The following AGPAT3 variants were observed in gnomAD, a reference collection of about 807,000 sequenced individuals.
The protein encoded by AGPAT3 is 1-acylglycerol-3-phosphate O-acyltransferase 3.
AGPAT3 carries 5 observed loss-of-function variants against 47.3 expected under a neutral mutation model. The observed-to-expected ratio is 0.11, with a 90% CI of 0.06 to 0.22. The LOEUF is 0.22. Ranked by LOEUF, AGPAT3 falls within the 10% of genes least tolerant of loss-of-function variation. AGPAT3 has a pLI of 1.00. For missense variants in AGPAT3, 315 were observed against 493.0 expected, an observed-to-expected ratio of 0.64 and a Z score of 3.42; for synonymous variants, 212 against 208.3, an observed-to-expected ratio of 1.02 and a Z score of -0.15.
chr21:43,868,470 C>G (rs1016012703), intron 1 of AGPAT3, among the ~76,000 whole-genome samples: 4 of 152,054 alleles, frequency 2.6e-5, no homozygotes, highest in Admixed American at 6.5e-5. Context: ...AGGCCTGTCC[C>G]CAGTGACTGG....
chr21:43,923,726 AG>A (rs1195825194), intron 2 of AGPAT3, among the ~76,000 whole-genome samples: 1 of 152,244 alleles, frequency 6.6e-6, no homozygotes, highest in African/African-American at 2.4e-5. Flanking sequence ...ATGGACAGCC[AG>A]GGGGAAAGGG....
intron 2 of AGPAT3, among the ~76,000 whole-genome samples, chr21:43,917,102 C>T (rs750126503): frequency 2.0e-4 from 31 of 152,190 alleles, no homozygotes; most frequent in Non-Finnish European, 4.1e-4. Context: ...TGAGGGGGGC[C>T]CACTCTGCCC....
rs970126053 is a variant in AGPAT3, at chr21:43,939,857, C to G, written c.-48-19777C>G. Reference sequence around the variant, plus strand: ...CTCGTTGACCTGCATCCTGGCTGGCCCTGTGACTCTGCCTGTTTACAGTGA... The same window carrying G: ...CTCGTTGACCTGCATCCTGGCTGGCGCTGTGACTCTGCCTGTTTACAGTGA... On this transcript the variant is annotated intron_variant, in intron 2 of 9. Transcript: ENST00000291572. The surrounding 1 kb of genome is among the most constrained non-coding windows in gnomAD (Gnocchi z 4.4). 3.3e-5 allele frequency among the ~76,000 whole-genome samples: 5 copies of G among 152,210 alleles called. No individual in the cohort carries two copies. The highest frequency in any genetic ancestry group is 5.9e-5 in the Non-Finnish European group (4 of 68,038).
chr21:43,898,396 C>T (rs755822988), intron 1 of AGPAT3, among the ~76,000 whole-genome samples: 3 of 152,152 alleles, frequency 2.0e-5, no homozygotes, highest in Admixed American at 2.0e-4. Flanking sequence ...TACTGGTTTC[C>T]CCACAAGCAC....
At chr21:43,896,785 TTAA>T (rs2086225501) in intron 1 of AGPAT3, among the ~76,000 whole-genome samples, 1 of 152,252 alleles carries the variant, frequency 6.6e-6, no homozygotes, top group South Asian at 2.1e-4. Flanking sequence ...TTGTCTGGAA[TTAA>T]TATAGCGGCA....
intron 7 of AGPAT3, among the ~76,000 whole-genome samples, chr21:43,973,719 C>T (rs903800025): frequency 1.3e-5 from 2 of 152,250 alleles, no homozygotes; most frequent in South Asian, 4.1e-4. Context: ...CCCGCGCGCC[C>T]CTGCAGCCGA....
At chr21:43,921,422 G>A (rs1489393202) in intron 2 of AGPAT3, among the ~76,000 whole-genome samples, 2 of 152,162 alleles carry the variant, frequency 1.3e-5, no homozygotes, top group Non-Finnish European at 2.9e-5. Flanking sequence ...CAGCTTAGCC[G>A]GGTGGTCAGG....
intron 1 of AGPAT3, among the ~76,000 whole-genome samples, chr21:43,901,410 G>A (rs2086352040): frequency 6.7e-6 from 1 of 150,062 alleles, no homozygotes; most frequent in Non-Finnish European, 1.5e-5. Context: ...AGCATGTTAA[G>A]ATGGCATTGA....
chr21:43,932,083 TAGCTATC>T lies in AGPAT3; in HGVS notation c.-48-27546_-48-27540del, dbSNP rs2087267208. Reference sequence around the variant, plus strand: ...GAAAGATTAATTAAGCTAATTAACATAGCTATCAGCTCACCAACATCGTTTTTGGTGG... The same window carrying T: ...GAAAGATTAATTAAGCTAATTAACATAGCTCACCAACATCGTTTTTGGTGG... On this transcript the variant is annotated intron_variant, in intron 2 of 9. Coordinates refer to ENST00000291572, the MANE Select transcript of AGPAT3 (RefSeq NM_020132.5). The surrounding 1 kb of genome is among the most constrained non-coding windows in gnomAD (Gnocchi z 5.2). Among the ~76,000 whole-genome samples, 1 of 152,222 alleles carries T rather than the reference TAGCTATC, an allele frequency of 6.6e-6. No individual in the cohort carries two copies.
chr21:43,972,627 G>A (rs147943725), intron 7 of AGPAT3, among the ~76,000 whole-genome samples: 244 of 152,308 alleles, frequency 1.6e-3, no homozygotes, highest in Non-Finnish European at 2.8e-3. Context: ...ACACAGTCAG[G>A]GCTGTGGGTG....
chr21:43,881,027 A>G (rs1390160193), intron 1 of AGPAT3, among the ~76,000 whole-genome samples: 1 of 152,238 alleles, frequency 6.6e-6, no homozygotes, highest in East Asian at 1.9e-4. Context: ...TTTTTTGGAA[A>G]AAAAGAAAAT....
At chr21:43,923,043 C>T (rs1257634656) in intron 2 of AGPAT3, among the ~76,000 whole-genome samples, 3 of 152,190 alleles carry the variant, frequency 2.0e-5, no homozygotes, top group African/African-American at 7.2e-5. Context: ...AGAAAACCAG[C>T]TGCAGGTGTC....
chr21:43,943,755 G>A (rs1351245249), intron 2 of AGPAT3, among the ~76,000 whole-genome samples: 5 of 152,332 alleles, frequency 3.3e-5, no homozygotes, highest in East Asian at 1.9e-4. Context: ...GGCGGGCCGC[G>A]TGCTGTTGGT....
chr21:43,976,321 T>C (rs1305263127), intron 7 of AGPAT3, among the ~76,000 whole-genome samples: 1 of 151,934 alleles, frequency 6.6e-6, no homozygotes, highest in Non-Finnish European at 1.5e-5. Context: ...TGCCTTGGCC[T>C]CTCGAGTAGC....
At chr21:43,948,308 G>A (rs1303675341) in intron 2 of AGPAT3, 2 of 152,174 alleles carry the variant, frequency 1.3e-5, no homozygotes. Flanking sequence ...CCTCCTCACC[G>A]AGGGAGGGAA....
At chr21:43,963,404 C>T (rs2088970008) in intron 3 of AGPAT3, among the ~76,000 whole-genome samples, 1 of 152,108 alleles carries the variant, frequency 6.6e-6, no homozygotes, top group South Asian at 2.1e-4. Flanking sequence ...CCTGGGGCAT[C>T]ACAGACCATC....
At chr21:43,892,115 C>T (rs534734493) in intron 1 of AGPAT3, among the ~76,000 whole-genome samples, 21 of 151,958 alleles carry the variant, frequency 1.4e-4, no homozygotes, top group South Asian at 4.2e-4. Flanking sequence ...GAGACCAGCA[C>T]GGCCAACATG....
intron 2 of AGPAT3, among the ~76,000 whole-genome samples, chr21:43,956,625 C>A (rs971548749): frequency 3.3e-5 from 5 of 152,218 alleles, no homozygotes; most frequent in African/African-American, 1.2e-4. Context: ...CAGTACAACT[C>A]CTTAACCCCA....
chr21:43,943,301 C>T (rs1569078742), intron 2 of AGPAT3, among the ~76,000 whole-genome samples: 1 of 152,282 alleles, frequency 6.6e-6, no homozygotes, highest in African/African-American at 2.4e-5. Context: ...ATCTCGATCT[C>T]CTGACCTCGT....
Sources: gnomAD v4.1 joint callset for allele counts (sites outside exome capture counted in the v4.1 genomes callset) on GRCh38, gnomAD v4.1.1 for gene constraint, Gnocchi (gnomAD v3.1) non-coding constraint, MANE v1.5 for transcripts, NCBI Gene and HGNC (gene_info 2026-07-23, HGNC 2026-07-21) for gene names.